CNTNAP5: variants seen among roughly 807,000 people sequenced by gnomAD.
The protein encoded by CNTNAP5 is contactin-associated protein-like 5.
A neutral mutation model predicts 150.2 loss-of-function variants in CNTNAP5; 72 were observed. The observed-to-expected ratio is 0.48, with a 90% CI of 0.40 to 0.58. The LOEUF is 0.58. CNTNAP5 is among the 20% of genes least tolerant of loss of function. The pLI, the probability that CNTNAP5 is intolerant of heterozygous loss-of-function variation, is 0.00. For synonymous variants in CNTNAP5, 672 were observed against 619.8 expected (o/e 1.08, Z -1.25); for missense variants, 1,636 against 1,626.2 (o/e 1.01, Z -0.10).
intron 10 of CNTNAP5, among the ~76,000 whole-genome samples, chr2:124,534,738 T>C (rs1416526223): frequency 3.3e-5 from 5 of 152,102 alleles, no homozygotes; most frequent in Non-Finnish European, 4.4e-5. Flanking sequence ...AAAAATGTAA[T>C]GAACAATGAG....
At chr2:124,892,119 C>T (rs997412616) in intron 21 of CNTNAP5, among the ~76,000 whole-genome samples, 1 of 152,138 alleles carries the variant, frequency 6.6e-6, no homozygotes, top group African/African-American at 2.4e-5. Context: ...TAATATCAGA[C>T]TTCTCATTAA....
chr2:124,140,165 G>C (rs1207249833), intron 1 of CNTNAP5, among the ~76,000 whole-genome samples: 80 of 144,088 alleles, frequency 5.6e-4, no homozygotes, highest in South Asian at 1.3e-3. Context: ...CTGATTGCTA[G>C]CACAGCAGTC....
At chr2:124,115,242 C>T (rs903481604) in intron 1 of CNTNAP5, among the ~76,000 whole-genome samples, 1 of 152,136 alleles carries the variant, frequency 6.6e-6, no homozygotes, top group Non-Finnish European at 1.5e-5. Context: ...CCTTTCATAA[C>T]TAAGTTGGCT....
At chr2:124,343,082 G>A (rs551606840) in intron 3 of CNTNAP5, among the ~76,000 whole-genome samples, 167 of 152,092 alleles carry the variant, frequency 1.1e-3, no homozygotes, top group Non-Finnish European at 1.6e-3. Context: ...TCAACATAAA[G>A]CAGTTAGTTG....
At chr2:124,743,790 T>C (rs1384550018) in intron 13 of CNTNAP5, among the ~76,000 whole-genome samples, 1 of 152,238 alleles carries the variant, frequency 6.6e-6, no homozygotes, top group Admixed American at 6.5e-5. Flanking sequence ...ACCCATTTTT[T>C]TTCCTGTTAA....
chr2:124,504,151 A>AT (rs1200348267), intron 7 of CNTNAP5, 141 bp from the exon 8 acceptor site: 5 of 832,494 alleles, frequency 6.0e-6, no homozygotes, highest in Non-Finnish European at 9.4e-6. Context: ...CAAAGCCGAC[A>AT]TTTTTTTCTT....
chr2:124,513,719 T>G (rs1319805271), intron 8 of CNTNAP5, among the ~76,000 whole-genome samples: 1 of 152,180 alleles, frequency 6.6e-6, no homozygotes, highest in South Asian at 2.1e-4. Flanking sequence ...AACCCAGGAA[T>G]GAGTTATACT....
chr2:124,301,182 C>G (rs1484784884), intron 3 of CNTNAP5, among the ~76,000 whole-genome samples: 2 of 152,130 alleles, frequency 1.3e-5, no homozygotes, highest in Non-Finnish European at 2.9e-5. Flanking sequence ...GGATTATATA[C>G]CATTTGCAAT....
At chr2:124,823,912 T>C (rs1003733366) in intron 19 of CNTNAP5, among the ~76,000 whole-genome samples, 2 of 149,362 alleles carry the variant, frequency 1.3e-5, no homozygotes, top group African/African-American at 5.0e-5. Flanking sequence ...ACAGTTCTGA[T>C]TTTTTTTTTC....
chr2:124,749,387 CTTCCTTCCTTCCTTCT>C (rs1196155477), intron 14 of CNTNAP5, among the ~76,000 whole-genome samples: 1 of 149,608 alleles, frequency 6.7e-6, no homozygotes, highest in African/African-American at 2.5e-5. Flanking sequence ...CCCTTCCTTC[CTTCCTTCCTTCCTTCT>C]TTCCTTCCTT....
Position 124,105,987 on chromosome 2 carries a change from A to C in CNTNAP5, c.82+80255A>C, listed in dbSNP as rs543515196. On this transcript the variant is annotated intron_variant, in intron 1 of 23. Transcript: ENST00000682447. ...AAACCATATTGCTTAAATCTTTTGT[A>C]TATGTTTTTTATTCATTTAATCTTT... is the stretch of plus-strand genomic sequence containing the variant. Among the ~76,000 whole-genome samples, 60 of 152,238 alleles carry C rather than the reference A, an allele frequency of 3.9e-4. No homozygotes were observed. In the South Asian group the frequency reaches 8.5e-3, roughly 22 times the overall value.
chr2:124,641,156 A>G (rs1052626213), intron 12 of CNTNAP5, among the ~76,000 whole-genome samples: 4 of 150,748 alleles, frequency 2.7e-5, no homozygotes, highest in Non-Finnish European at 4.4e-5. Context: ...AAAGACAAAA[A>G]AAAGGACGGA....
At chr2:124,357,571 C>T (rs1690051191) in intron 3 of CNTNAP5, among the ~76,000 whole-genome samples, 3 of 151,080 alleles carry the variant, frequency 2.0e-5, no homozygotes, top group South Asian at 2.1e-4. Context: ...GGAATCCTTT[C>T]CCCATTGCTT....
chr2:124,575,970 T>G (rs1396201656), intron 11 of CNTNAP5, among the ~76,000 whole-genome samples: 1 of 152,178 alleles, frequency 6.6e-6, no homozygotes, highest in Non-Finnish European at 1.5e-5. Flanking sequence ...ATTTTTAATT[T>G]GATGGAAGAA....
At chr2:124,894,737 A>G (rs60230351) in intron 21 of CNTNAP5, among the ~76,000 whole-genome samples, 3,069 of 151,086 alleles carry the variant, frequency 0.02, 221 homozygotes, top group African/African-American at 0.071. Flanking sequence ...AATTCTTTAT[A>G]GAGACGAGTC....
chr2:124,718,310 C>T (rs1373034481), intron 13 of CNTNAP5, among the ~76,000 whole-genome samples: 2 of 152,138 alleles, frequency 1.3e-5, no homozygotes, highest in African/African-American at 4.8e-5. Flanking sequence ...ATAAAGGTTC[C>T]TATTTCTGTT....
At chr2:124,859,227 C>A (rs1421929769) in intron 19 of CNTNAP5, among the ~76,000 whole-genome samples, 10 of 151,930 alleles carry the variant, frequency 6.6e-5, no homozygotes, top group African/African-American at 2.2e-4. Flanking sequence ...AAACAAACAA[C>A]CCCATCAACA....
intron 12 of CNTNAP5, among the ~76,000 whole-genome samples, chr2:124,624,044 A>C (rs1360770246): frequency 2.0e-5 from 3 of 152,190 alleles, no homozygotes; most frequent in African/African-American, 7.2e-5. Context: ...GTGACCACAT[A>C]GGGCTTCCAG....
At chr2:124,624,504 T>G (rs757597557) in intron 12 of CNTNAP5, among the ~76,000 whole-genome samples, 8 of 152,236 alleles carry the variant, frequency 5.3e-5, no homozygotes, top group Non-Finnish European at 1.0e-4. Context: ...TTTTTTCAGG[T>G]TTTTAATTAC....
Sources: allele counts gnomAD v4.1 joint callset (sites outside exome capture counted in the v4.1 genomes callset), GRCh38; gene constraint gnomAD v4.1.1; transcripts MANE v1.5; gene names NCBI Gene and HGNC (gene_info 2026-07-23, HGNC 2026-07-21).